DNAJC13: variants seen among roughly 807,000 people sequenced by gnomAD.
DNAJC13 encodes DnaJ heat shock protein family (Hsp40) member C13.
DNAJC13 carries 75 observed loss-of-function variants against 290.5 expected under a neutral mutation model. The observed-to-expected ratio is 0.26, with a 90% CI of 0.21 to 0.31. The LOEUF (loss-of-function observed/expected upper bound fraction) is 0.31. Among genes scored for constraint, DNAJC13 ranks in the 10% least tolerant of loss-of-function variants. DNAJC13 has a pLI of 1.00. For synonymous variants in DNAJC13, 862 were observed against 892.0 expected, an observed-to-expected ratio of 0.97 and a Z score of 0.60; for missense variants, 2,260 against 2,674.5, an observed-to-expected ratio of 0.85 and a Z score of 3.42.
Position 132,460,141 on chromosome 3 carries a change from T to C in DNAJC13, c.1450-109T>C, listed in dbSNP as rs186042245. On this transcript the variant is annotated intron_variant, in intron 13 of 55. Transcript: ENST00000260818. ...TGCCTTACACTTTAAAGGCAATGGT[T>C]TTTAATTCTTTCAATGTGTAATGAA... The C allele has an allele frequency of 1.2e-4, 78 of 630,850 alleles. 3 individuals are homozygous for C. The highest frequency in any genetic ancestry group is 9.6e-4 in the Admixed American group (28 of 29,102). 39.1% of individuals were successfully genotyped at this position (630,850 alleles called of 1,614,324 possible).
chr3:132,466,078 A>G lies in DNAJC13; in HGVS notation c.1968+8A>G, dbSNP rs775249280. 2 of 1,611,640 alleles carry G rather than the reference A, an allele frequency of 1.2e-6. No homozygotes were observed. Among genetic ancestry groups the G allele is most frequent in the South Asian group, 2.2e-5 (2 of 91,002 alleles). On this transcript the variant is annotated splice_region_variant and intron_variant, in intron 18 of 55. Coordinates refer to ENST00000260818, the MANE Select transcript of DNAJC13 (RefSeq NM_015268.4). ...TTGTTGAAACGCATTTTGGTAAGTC[A>G]GTTGAGAAATTAGGTTATATACTGC...
chr3:132,515,970 A>G (rs1935907470), intron 46 of DNAJC13, among the ~76,000 whole-genome samples: 1 of 152,194 alleles, frequency 6.6e-6, no homozygotes, highest in Admixed American at 6.6e-5. Flanking sequence ...GGCTTTGTCC[A>G]GAAGGATGCA....
chr3:132,457,200 T>C (rs1220495367), intron 12 of DNAJC13, 69 bp from the exon 13 acceptor site: 2 of 1,109,856 alleles, frequency 1.8e-6, no homozygotes, highest in African/African-American at 3.2e-5. Context: ...TAATATGATC[T>C]ATTTCAATAA....
At position 132,500,790 on chromosome 3, in the gene DNAJC13, G is replaced by C; in HGVS notation, c.4417-4G>C. 1 of 1,613,750 alleles carries C rather than the reference G, an allele frequency of 6.2e-7. No individual in the cohort carries two copies. Among genetic ancestry groups the C allele is most frequent in the Non-Finnish European group, 8.5e-7 (1 of 1,179,768 alleles). On this transcript the variant is annotated splice_polypyrimidine_tract_variant and splice_region_variant and intron_variant, in intron 38 of 55. Transcript: ENST00000260818. ...GTTTTTTTGCTCTGTTGTGTTGTCT[G>C]CAGGTGTGTGGATACATAAGTAAAT...
intron 26 of DNAJC13, among the ~76,000 whole-genome samples, chr3:132,481,827 A>C (rs982474901): frequency 5.9e-5 from 9 of 152,220 alleles, no homozygotes; most frequent in African/African-American, 1.7e-4. Flanking sequence ...CCCCAAAATA[A>C]CTTTAATATT....
intron 21 of DNAJC13, among the ~76,000 whole-genome samples, chr3:132,473,915 G>A (rs1185627308): frequency 6.6e-6 from 1 of 152,046 alleles, no homozygotes; most frequent in African/African-American, 2.4e-5. Flanking sequence ...GTTGTGTTGC[G>A]CCCCATAGAA....
At chr3:132,494,108 T>A (rs768717797) in intron 33 of DNAJC13, 36 bp from the exon 34 acceptor site, 1 of 1,362,792 alleles carries the variant, frequency 7.3e-7, no homozygotes, top group African/African-American at 1.5e-5. Context: ...TGAAATAGTT[T>A]TACTTTGATA....
chr3:132,536,440 A>G (rs2061196), intron 55 of DNAJC13, among the ~76,000 whole-genome samples: 89,422 of 151,984 alleles, frequency 0.59, 28,529 homozygotes, highest in East Asian at 0.87. Context: ...ATATCCAGCA[A>G]TGCCCCAGGG....
intron 37 of DNAJC13, 44 bp downstream of exon 37, chr3:132,499,354 CA>C (rs764970404): frequency 6.9e-7 from 1 of 1,443,082 alleles, no homozygotes; most frequent in Admixed American, 2.3e-5. Flanking sequence ...AGTTTACACA[CA>C]TTATATGACT....
At chr3:132,432,451 T>C (rs903077340) in intron 1 of DNAJC13, among the ~76,000 whole-genome samples, 1 of 152,142 alleles carries the variant, frequency 6.6e-6, no homozygotes, top group East Asian at 1.9e-4. Context: ...GTGATCCACC[T>C]ATGTCAGCCT....
intron 48 of DNAJC13, among the ~76,000 whole-genome samples, chr3:132,519,707 C>T (rs554286534): frequency 2.0e-5 from 3 of 151,924 alleles, no homozygotes; most frequent in African/African-American, 7.2e-5. Context: ...GTTTTCTCCT[C>T]ATTTTTATAG....
At chr3:132,492,702 T>C in intron 33 of DNAJC13, 87 bp downstream of exon 33, 1 of 1,124,370 alleles carries the variant, frequency 8.9e-7, no homozygotes, top group South Asian at 1.4e-5. Flanking sequence ...TGCAGTAAGA[T>C]GGTTAATAGC....
intron 48 of DNAJC13, among the ~76,000 whole-genome samples, chr3:132,519,872 A>G (rs1439306367): frequency 6.6e-6 from 1 of 152,172 alleles, no homozygotes; most frequent in African/African-American, 2.4e-5. Flanking sequence ...AAAGAGGTTT[A>G]TTGGACTTAC....
intron 1 of DNAJC13, among the ~76,000 whole-genome samples, chr3:132,425,876 C>T (rs889084429): frequency 2.6e-5 from 4 of 152,030 alleles, no homozygotes; most frequent in Admixed American, 2.0e-4. Context: ...TTGCTTATAG[C>T]TTGACCGTAA....
At chr3:132,439,441 T>G (rs989952435) in intron 2 of DNAJC13, among the ~76,000 whole-genome samples, 13 of 129,884 alleles carry the variant, frequency 1.0e-4, no homozygotes, top group Middle Eastern at 4.3e-3. Context: ...TTTTTTTTGT[T>G]TTTTTTTTTT....
rs1416847056 is a variant in DNAJC13 at position 132,467,259 on chromosome 3, A to C, written c.2154A>C (p.Lys718Asn). 1.9e-6 allele frequency: 3 copies of C among 1,614,054 alleles called. No homozygotes were observed. Among genetic ancestry groups the C allele is most frequent in the Non-Finnish European group, 2.5e-6 (3 of 1,179,960 alleles). ...AKEVEKFAKE[K>N]VDLVLMHWRD... ...AAGTTGAAAAATTTGCCAAAGAAAA[A>C]GTGGATCTTGTATTGATGCACTGGA... The change falls in exon 20 of 56, where the codon AAA (lysine) becomes AAC (asparagine). Residue 718 changes from lysine to asparagine, a missense_variant. Around this residue, in one of 3 missense-constraint regions of DNAJC13, gnomAD observed 762 missense variants for 964.1 expected, o/e 0.79. Transcript: ENST00000260818.
intron 43 of DNAJC13, among the ~76,000 whole-genome samples, chr3:132,509,459 A>G (rs959483457): frequency 6.6e-6 from 1 of 152,262 alleles, no homozygotes; most frequent in African/African-American, 2.4e-5. Flanking sequence ...TCTTGTGAAG[A>G]TGCTGTGAAC....
At chr3:132,536,070 G>C (rs1036981163) in intron 55 of DNAJC13, among the ~76,000 whole-genome samples, 3 of 152,136 alleles carry the variant, frequency 2.0e-5, no homozygotes, top group Non-Finnish European at 4.4e-5. Flanking sequence ...AGTTCACAGT[G>C]CCCTTAATAG....
chr3:132,494,950 TGG>T, intron 34 of DNAJC13, 136 bp from the exon 35 acceptor site: 1 of 487,026 alleles, frequency 2.1e-6, no homozygotes, highest in Non-Finnish European at 3.5e-6. Context: ...TAATTCTTTC[TGG>T]GTTTAATTTG....
Sources: allele counts gnomAD v4.1 joint callset (sites outside exome capture counted in the v4.1 genomes callset), GRCh38; gene constraint gnomAD v4.1.1; regional missense constraint gnomAD v4.1.1; transcripts MANE v1.5; gene names NCBI Gene and HGNC (gene_info 2026-07-23, HGNC 2026-07-21).